Variants in KCTD16 observed in about 807,000 individuals in gnomAD.
KCTD16 encodes potassium channel tetramerization domain containing 16.
Under a neutral mutation model 33.2 loss-of-function variants are expected in KCTD16, and 13 were observed. That is an observed-to-expected ratio of 0.39 (90% CI 0.25 to 0.62). KCTD16 has a LOEUF of 0.62. Ranked by LOEUF, KCTD16 falls within the 20% of genes least tolerant of loss-of-function variation. The pLI is 0.50. For synonymous variants in KCTD16, 197 were observed against 195.3 expected (o/e 1.01, Z -0.07); for missense variants, 441 against 525.1 (o/e 0.84, Z 1.57).
At chr5:144,418,188 G>A (rs1039674321) in intron 3 of KCTD16, among the ~76,000 whole-genome samples, 3 of 152,148 alleles carry the variant, frequency 2.0e-5, no homozygotes, top group Non-Finnish European at 2.9e-5. Flanking sequence ...AGCTCATAAA[G>A]GTAGTGCAGA....
chr5:144,403,061 C>CT (rs764318049), intron 3 of KCTD16, among the ~76,000 whole-genome samples: 35 of 152,182 alleles, frequency 2.3e-4, no homozygotes, highest in Non-Finnish European at 4.0e-4. Flanking sequence ...GCTGAAAAGC[C>CT]TTTTTCTGTC....
chr5:144,296,403 T>A (rs1224735599), intron 3 of KCTD16, among the ~76,000 whole-genome samples: 1 of 152,216 alleles, frequency 6.6e-6, no homozygotes, highest in African/African-American at 2.4e-5. Flanking sequence ...TGTTGGCAAC[T>A]CTCATTCAAA....
intron 2 of KCTD16, among the ~76,000 whole-genome samples, chr5:144,196,046 A>G (rs1752933672): frequency 2.6e-5 from 4 of 152,216 alleles, no homozygotes; most frequent in Admixed American, 2.6e-4. Flanking sequence ...CATTCTCTAC[A>G]AAGCCTAACA....
chr5:144,210,652 C>T (rs1753356645), intron 3 of KCTD16, among the ~76,000 whole-genome samples: 1 of 152,016 alleles, frequency 6.6e-6, no homozygotes, highest in African/African-American at 2.4e-5. Flanking sequence ...AAGACAAGTC[C>T]TGATTTTGAA....
intron 3 of KCTD16, among the ~76,000 whole-genome samples, chr5:144,260,551 G>A (rs952466130): frequency 6.6e-6 from 1 of 152,138 alleles, no homozygotes; most frequent in Non-Finnish European, 1.5e-5. Context: ...GGCACAGTAA[G>A]GCAAATAAAT....
chr5:144,193,136 G>C (rs1752875586), intron 2 of KCTD16, among the ~76,000 whole-genome samples: 1 of 152,106 alleles, frequency 6.6e-6, no homozygotes, highest in East Asian at 1.9e-4. Flanking sequence ...TCTCCCCACT[G>C]ATCTCCCTAC....
chr5:144,299,148 A>ATATATATATT, intron 3 of KCTD16, among the ~76,000 whole-genome samples: 1 of 14,066 alleles, frequency 7.1e-5, no homozygotes, highest in Non-Finnish European at 1.2e-4. Flanking sequence ...ATATATATAT[A>ATATATATATT]TTTTTTTTTT....
At chr5:144,172,315 T>C (rs1752407528) in intron 1 of KCTD16, among the ~76,000 whole-genome samples, 1 of 152,224 alleles carries the variant, frequency 6.6e-6, no homozygotes. Context: ...ATTTATGAGA[T>C]AAATGTGACA....
Position 144,474,302 on chromosome 5 carries a change from C to T in KCTD16, c.*188C>T. The T allele has an allele frequency of 1.8e-6, 1 of 559,760 alleles. No individual in the cohort carries two copies. The highest frequency in any genetic ancestry group is 3.1e-6 in the Non-Finnish European group (1 of 320,640). The allele number at this position is 559,760 out of a possible 1,614,324, so 34.7% of individuals were successfully genotyped here. A position where few individuals can be genotyped will look rare whatever the true frequency, so the allele number is the denominator to read the frequency against. Reference sequence around the variant, plus strand: ...ACATGTAAATCCACAGGGTAGATTTCTTTCTAGATGTGGAAGTACAAGAAA... The same window carrying T: ...ACATGTAAATCCACAGGGTAGATTTTTTTCTAGATGTGGAAGTACAAGAAA... On this transcript the variant is annotated 3_prime_UTR_variant, in exon 4 of 4. Transcript: ENST00000512467.
chr5:144,341,337 G>A (rs1044782623), intron 3 of KCTD16, among the ~76,000 whole-genome samples: 2 of 152,096 alleles, frequency 1.3e-5, no homozygotes, highest in African/African-American at 4.8e-5. Context: ...CTCACTTGGG[G>A]AGAAACAGTG....
At chr5:144,252,847 C>T (rs1754739066) in intron 3 of KCTD16, among the ~76,000 whole-genome samples, 1 of 151,272 alleles carries the variant, frequency 6.6e-6, no homozygotes, top group Non-Finnish European at 1.5e-5. Flanking sequence ...GGCTCTATCA[C>T]ATCACAGCTT....
chr5:144,417,925 G>A (rs1263682849), intron 3 of KCTD16, among the ~76,000 whole-genome samples: 7 of 152,168 alleles, frequency 4.6e-5, no homozygotes, highest in Non-Finnish European at 7.3e-5. Context: ...CCCTCACAGT[G>A]AGTGTTACAG....
intron 3 of KCTD16, among the ~76,000 whole-genome samples, chr5:144,381,495 C>A (rs1752214013): frequency 6.6e-6 from 1 of 152,120 alleles, no homozygotes; most frequent in African/African-American, 2.4e-5. Flanking sequence ...GGGCTGGCAT[C>A]TGCTTGGCTT....
intron 3 of KCTD16, among the ~76,000 whole-genome samples, chr5:144,287,764 G>A (rs1031743182): frequency 3.9e-5 from 6 of 152,128 alleles, no homozygotes; most frequent in Non-Finnish European, 4.4e-5. Flanking sequence ...AGCCTCCCGA[G>A]TAGCTGGGTT....
At chr5:144,467,033 AT>A (rs1561618978) in intron 3 of KCTD16, among the ~76,000 whole-genome samples, 8 of 110,058 alleles carry the variant, frequency 7.3e-5, no homozygotes, top group Non-Finnish European at 7.3e-5. Flanking sequence ...AACACTATAT[AT>A]TATATATAAT....
At chr5:144,243,161 A>G (rs1244730601) in intron 3 of KCTD16, among the ~76,000 whole-genome samples, 1 of 152,202 alleles carries the variant, frequency 6.6e-6, no homozygotes, top group East Asian at 1.9e-4. Flanking sequence ...ATCACATCAT[A>G]TCAAGGGTAC....
intron 3 of KCTD16, among the ~76,000 whole-genome samples, chr5:144,440,964 C>T (rs948703191): frequency 6.9e-6 from 1 of 144,510 alleles, no homozygotes; most frequent in Non-Finnish European, 1.5e-5. Flanking sequence ...TGTTCAGTTA[C>T]CACCTGTGAG....
At chr5:144,203,071 A>G (rs918384287) in intron 2 of KCTD16, among the ~76,000 whole-genome samples, 5 of 152,126 alleles carry the variant, frequency 3.3e-5, no homozygotes, top group African/African-American at 1.2e-4. Flanking sequence ...AGGTTTTATT[A>G]GATTCTCTAA....
At chr5:144,462,253 C>T (rs1049298135) in intron 3 of KCTD16, among the ~76,000 whole-genome samples, 6 of 152,102 alleles carry the variant, frequency 3.9e-5, no homozygotes, top group Non-Finnish European at 7.3e-5. Flanking sequence ...CCCGCCGTCA[C>T]TCTCCTCACT....
Sources: allele counts gnomAD v4.1 joint callset (sites outside exome capture counted in the v4.1 genomes callset), GRCh38; gene constraint gnomAD v4.1.1; transcripts MANE v1.5; gene names NCBI Gene and HGNC (gene_info 2026-07-23, HGNC 2026-07-21).